Variants in MCC observed in about 807,000 individuals in gnomAD.
MCC encodes MCC regulator of Wnt signaling pathway, also known as colorectal mutant cancer protein.
Under a neutral mutation model 116.2 loss-of-function variants are expected in MCC, and 90 were observed. The ratio of observed to expected loss-of-function variants is 0.77; its 90% CI spans 0.65 to 0.92. MCC has a LOEUF of 0.92. MCC is among the 40% of genes least tolerant of loss of function. The probability of loss-of-function intolerance (pLI) is 0.00; values close to 1 mark genes in which losing one functional copy is unlikely to be tolerated. For synonymous variants in MCC, 578 were observed against 510.5 expected (o/e 1.13, Z -1.78); for missense variants, 1,516 against 1,312.2 (o/e 1.16, Z -2.40).
chr5:113,446,901 A>T (rs1771235801), intron 1 of MCC, among the ~76,000 whole-genome samples: 1 of 152,166 alleles, frequency 6.6e-6, no homozygotes, highest in South Asian at 2.1e-4. Context: ...AGTATCACAC[A>T]ATATACCCAG....
chr5:113,151,488 C>T lies in MCC; in HGVS notation c.628-66G>A, dbSNP rs111636591. 3,778 of 824,310 alleles carry T rather than the reference C, an allele frequency of 4.6e-3. 98 individuals carry two copies. The African/African-American group carries it at 0.058, about 13-fold the overall frequency. The allele number at this position is 824,310 out of a possible 1,614,324, so 51.1% of individuals were successfully genotyped here. A position where few individuals can be genotyped will look rare whatever the true frequency, so the allele number is the denominator to read the frequency against. Reference sequence around the variant, plus strand: ...AGATGTATTTCCTTCCCTTCATTCCCGCAACTAGTATAACCAAATAAAAAG... The same window carrying T: ...AGATGTATTTCCTTCCCTTCATTCCTGCAACTAGTATAACCAAATAAAAAG... On this transcript the variant is annotated intron_variant, in intron 3 of 18. Transcript: ENST00000408903.
At chr5:113,083,936 T>TCATA (rs1454551607) in intron 10 of MCC, among the ~76,000 whole-genome samples, 165 bp downstream of exon 10, 1 of 152,222 alleles carries the variant, frequency 6.6e-6, no homozygotes, top group Non-Finnish European at 1.5e-5. Context: ...ATGGAAATCA[T>TCATA]CATACATTTT....
At chr5:113,147,838 G>A (rs542361685) in intron 4 of MCC, among the ~76,000 whole-genome samples, 2 of 152,220 alleles carry the variant, frequency 1.3e-5, no homozygotes, top group Admixed American at 6.5e-5. Flanking sequence ...AATACATGCC[G>A]ACTACATCTC....
chr5:113,304,714 T>C (rs1254566935), intron 3 of MCC, among the ~76,000 whole-genome samples: 1 of 151,920 alleles, frequency 6.6e-6, no homozygotes, highest in East Asian at 1.9e-4. Flanking sequence ...ACATTTTCTA[T>C]GGAAAGGAAA....
chr5:113,133,572 T>A lies in MCC; in HGVS notation c.884+9646A>T, dbSNP rs549959738. ...ATTTCAAATTTTGGCCATTGTGAAG[T>A]GCTGCAATAAACAAGAGAATGCAGG... On this transcript the variant is annotated intron_variant, in intron 5 of 18. Coordinates refer to ENST00000408903, the MANE Select transcript of MCC (RefSeq NM_001085377.2). 4.6e-5 allele frequency among the ~76,000 whole-genome samples: 7 copies of A among 152,300 alleles called. No homozygotes were observed. The East Asian group carries it at 1.3e-3, about 29-fold the overall frequency.
At chr5:113,043,663 G>C in intron 16 of MCC, 33 bp from the exon 17 acceptor site, 2 of 1,523,002 alleles carry the variant, frequency 1.3e-6, no homozygotes, top group Non-Finnish European at 1.8e-6. Context: ...AGTTAGGCCT[G>C]AATCCAAGCC....
intron 3 of MCC, among the ~76,000 whole-genome samples, chr5:113,191,454 A>G (rs535280115): frequency 1.8e-4 from 27 of 152,296 alleles, no homozygotes; most frequent in Admixed American, 1.6e-3. Context: ...GCATGGCCCT[A>G]CCGAATCCAG....
chr5:113,412,336 G>A (rs907673537), intron 1 of MCC, among the ~76,000 whole-genome samples: 2 of 152,104 alleles, frequency 1.3e-5, no homozygotes, highest in Non-Finnish European at 2.9e-5. Context: ...GATGGGGATG[G>A]CATTGAATCT....
intron 1 of MCC, among the ~76,000 whole-genome samples, chr5:113,453,908 C>T (rs538851549): frequency 5.9e-5 from 9 of 152,080 alleles, no homozygotes; most frequent in South Asian, 2.1e-4. Context: ...GTTGGGAGTT[C>T]GAGACCACCC....
intron 1 of MCC, among the ~76,000 whole-genome samples, chr5:113,464,597 C>T (rs1009288346): frequency 8.1e-5 from 9 of 110,792 alleles, no homozygotes; most frequent in South Asian, 3.5e-4. Flanking sequence ...TACTCTCTAA[C>T]ATATCATGCT....
chr5:113,142,292 C>A (rs10066096), intron 5 of MCC, among the ~76,000 whole-genome samples: 2 of 151,830 alleles, frequency 1.3e-5, no homozygotes, highest in African/African-American at 4.8e-5. Flanking sequence ...GTGAACAAAG[C>A]GCTCTTTCTC....
At chr5:113,247,335 T>C (rs986318320) in intron 3 of MCC, among the ~76,000 whole-genome samples, 5 of 152,126 alleles carry the variant, frequency 3.3e-5, no homozygotes, top group East Asian at 3.9e-4. Context: ...GGGAGAACTA[T>C]AGCACCCCCA....
intron 2 of MCC, among the ~76,000 whole-genome samples, chr5:113,358,224 CT>C (rs1172049213): frequency 6.6e-6 from 1 of 152,152 alleles, no homozygotes; most frequent in Non-Finnish European, 1.5e-5. Context: ...GTAAGTCAGT[CT>C]TTGGTTACTG....
intron 2 of MCC, among the ~76,000 whole-genome samples, chr5:113,354,802 A>ATTATTATTATATTATTATTG (rs59377042): frequency 6.7e-6 from 1 of 148,416 alleles, no homozygotes; most frequent in Non-Finnish European, 1.5e-5. Context: ...TATTATTATT[A>ATTATTATTATATTATTATTG]TTATTCAACA....
chr5:113,036,501 A>G (rs918174212), intron 17 of MCC, among the ~76,000 whole-genome samples: 2 of 152,236 alleles, frequency 1.3e-5, no homozygotes, highest in African/African-American at 4.8e-5. Flanking sequence ...TTAACAGTGC[A>G]GCCCTGCAGA....
intron 3 of MCC, among the ~76,000 whole-genome samples, chr5:113,305,933 C>T (rs1182850630): frequency 6.6e-6 from 1 of 152,156 alleles, no homozygotes; most frequent in Non-Finnish European, 1.5e-5. Context: ...CTCCTCCAGC[C>T]CTGGCAAACA....
At chr5:113,163,533 C>A (rs547950082) in intron 3 of MCC, among the ~76,000 whole-genome samples, 2 of 152,072 alleles carry the variant, frequency 1.3e-5, no homozygotes, top group South Asian at 4.1e-4. Context: ...GACCTGACAT[C>A]ATATCCTAAC....
chr5:113,277,645 C>T (rs1458581658), intron 3 of MCC, among the ~76,000 whole-genome samples: 1 of 152,198 alleles, frequency 6.6e-6, no homozygotes, highest in Non-Finnish European at 1.5e-5. Context: ...ACTATACACA[C>T]ATGTATTATA....
chr5:113,239,998 T>A (rs1346512921), intron 3 of MCC, among the ~76,000 whole-genome samples: 11 of 152,226 alleles, frequency 7.2e-5, no homozygotes, highest in Non-Finnish European at 1.5e-4. Flanking sequence ...TATCCTCCAG[T>A]GGCTTCTGCC....
Sources: allele counts gnomAD v4.1 joint callset (sites outside exome capture counted in the v4.1 genomes callset), GRCh38; gene constraint gnomAD v4.1.1; transcripts MANE v1.5; gene names NCBI Gene and HGNC (gene_info 2026-07-23, HGNC 2026-07-21).